TSPAN33: variants seen among roughly 807,000 people sequenced by gnomAD.
TSPAN33 encodes the protein tetraspanin-33.
A neutral mutation model predicts 34.8 loss-of-function variants in TSPAN33; 27 were observed. That is an observed-to-expected ratio of 0.78 (90% CI 0.57 to 1.07). The LOEUF (loss-of-function observed/expected upper bound fraction) is 1.07. Among genes scored for constraint, TSPAN33 ranks in the 50% least tolerant of loss-of-function variants. The pLI is 0.00. For synonymous variants in TSPAN33, 119 were observed against 124.2 expected (o/e 0.96, Z 0.28); for missense variants, 272 against 324.9 (o/e 0.84, Z 1.25).
intron 1 of TSPAN33, among the ~76,000 whole-genome samples, chr7:129,149,871 A>G (rs1370226244): frequency 2.0e-5 from 3 of 152,236 alleles, no homozygotes; most frequent in African/African-American, 4.8e-5. Context: ...CACCCATAAC[A>G]GCAGCGCCAT....
chr7:129,161,640 C>G (rs1793055450), intron 1 of TSPAN33, 39 bp from the exon 2 acceptor site: 2 of 1,609,740 alleles, frequency 1.2e-6, no homozygotes, highest in South Asian at 2.2e-5. Context: ...TCTCTGGTTT[C>G]CAGAATCTCA....
At chr7:129,146,845 G>C (rs754098383) in intron 1 of TSPAN33, among the ~76,000 whole-genome samples, 1 of 152,116 alleles carries the variant, frequency 6.6e-6, no homozygotes, top group Non-Finnish European at 1.5e-5. Context: ...TTTATCTGCC[G>C]AGACTGTCTC....
intron 2 of TSPAN33, among the ~76,000 whole-genome samples, chr7:129,162,153 CCTT>C (rs1793063926): frequency 6.6e-6 from 1 of 152,248 alleles, no homozygotes; most frequent in African/African-American, 2.4e-5. Flanking sequence ...AGCAGCCCCT[CCTT>C]AAGCCCAGGA....
Position 129,154,479 on chromosome 7 carries a change from C to T in TSPAN33, c.103-7200C>T, listed in dbSNP as rs537847249. Among the ~76,000 whole-genome samples the T allele has an allele frequency of 1.1e-3, 167 of 151,690 alleles. 1 individual carries two copies. The highest frequency in any genetic ancestry group is 3.7e-3 in the African/African-American group (154 of 41,320). ...TGTATAGGCCAGGTGTGATGGCTCA[C>T]GCCTGTAATCCCAGCACTTTGGGAG... On this transcript the variant is annotated intron_variant, in intron 1 of 7. Transcript: ENST00000486685.
At chr7:129,163,868 G>A (rs1045004993) in intron 4 of TSPAN33, among the ~76,000 whole-genome samples, 1 of 152,084 alleles carries the variant, frequency 6.6e-6, no homozygotes, top group Non-Finnish European at 1.5e-5. Context: ...TTGAACCCAG[G>A]AGAAGGAGGT....
Position 129,167,283 on chromosome 7 carries a change from C to T in TSPAN33, c.589-116C>T. 3 of 1,282,474 alleles carry T rather than the reference C, an allele frequency of 2.3e-6. No individual in the cohort carries two copies. Among genetic ancestry groups the T allele is most frequent in the Non-Finnish European group, 3.3e-6 (3 of 919,020 alleles). The allele number at this position is 1,282,474 out of a possible 1,614,324, so 79.4% of individuals were successfully genotyped here. On this transcript the variant is annotated intron_variant, in intron 6 of 7. Coordinates refer to ENST00000486685, the MANE Select transcript of TSPAN33 (RefSeq NM_178562.5). This position sits in a 1 kb window ranked among gnomAD's most constrained non-coding sequence, Gnocchi z 4.6. ...GCAACTTCCAACCCAATATCCTCCA[C>T]ATATATTCTCTGACAATTTAGGAGT...
At chr7:129,154,842 A>G (rs944750036) in intron 1 of TSPAN33, among the ~76,000 whole-genome samples, 2 of 152,262 alleles carry the variant, frequency 1.3e-5, no homozygotes, top group Non-Finnish European at 2.9e-5. Context: ...AAGATAGTAC[A>G]GAGATGGACG....
rs200885674 is a variant in TSPAN33 at position 129,167,447 on chromosome 7, T to C, written c.637T>C (p.Leu213=). 5.0e-6 allele frequency: 8 copies of C among 1,613,650 alleles called. No individual in the cohort carries two copies. Among genetic ancestry groups the C allele is most frequent in the African/African-American group, 1.3e-5 (1 of 74,740 alleles). ...CGQGMQAFDY[L]EASKVIYTNG... Reference sequence around the variant, plus strand: ...CCAAGGTATGCAGGCCTTTGACTACTTGGAAGCTAGCAAAGTCATCTACAC... The same window carrying C: ...CCAAGGTATGCAGGCCTTTGACTACCTGGAAGCTAGCAAAGTCATCTACAC... The change falls in exon 7 of 8, where the codon TTG becomes CTG. Residue 213 remains leucine (L), a synonymous_variant. Coordinates refer to ENST00000486685, the MANE Select transcript of TSPAN33 (RefSeq NM_178562.5). This position sits in a 1 kb window ranked among gnomAD's most constrained non-coding sequence, Gnocchi z 4.6.
At position 129,166,876 on chromosome 7, in the gene TSPAN33, TTACTCCTGTTGCTTGCC is replaced by T. The variant is rs780484892; in HGVS notation, c.567_583del (p.Cys189Ter). The T allele has an allele frequency of 1.4e-5, 23 of 1,613,930 alleles. No homozygotes were observed. The highest frequency in any genetic ancestry group is 1.9e-5 in the Non-Finnish European group (22 of 1,179,992). ...CCAGTCGAGAGCGCTGCTCTGTGCC[TTACTCCTGTTGCTTGCC>T]TACTCCTGACCAGGTGAGCCAGCAT... On this transcript the variant is annotated frameshift_variant, in exon 6 of 8. Coordinates refer to ENST00000486685, the MANE Select transcript of TSPAN33 (RefSeq NM_178562.5). LOFTEE classifies it high-confidence loss of function.
At chr7:129,151,449 A>G (rs1309583322) in intron 1 of TSPAN33, among the ~76,000 whole-genome samples, 1 of 152,098 alleles carries the variant, frequency 6.6e-6, no homozygotes, top group African/African-American at 2.4e-5. Context: ...AATCCAGTAG[A>G]GATGGACTCT....
intron 1 of TSPAN33, among the ~76,000 whole-genome samples, chr7:129,152,004 CAAAT>C (rs552209800): frequency 6.6e-6 from 1 of 152,148 alleles, no homozygotes; most frequent in Non-Finnish European, 1.5e-5. Context: ...AGGAAACAAA[CAAAT>C]AAATCCAAAT....
chr7:129,162,777 G>A, intron 3 of TSPAN33, 56 bp from the exon 4 acceptor site: 1 of 1,582,382 alleles, frequency 6.3e-7, no homozygotes, highest in Non-Finnish European at 8.6e-7. Context: ...CTTGGCCCTG[G>A]AAGGGGTTGC....
At position 129,145,056 on chromosome 7, in the gene TSPAN33, C is replaced by T; in HGVS notation, c.76C>T (p.Leu26Phe). 1 of 732,406 alleles carries T rather than the reference C, an allele frequency of 1.4e-6. No homozygotes were observed. The highest frequency in any genetic ancestry group is 2.5e-6 in the Non-Finnish European group (1 of 395,904). The allele number at this position is 732,406 out of a possible 1,614,324, so 45.4% of individuals were successfully genotyped here. Reference protein sequence around the residue: ...SFVSPLVKYLLFFFNMLFWVI... With the variant: ...SFVSPLVKYLFFFFNMLFWVI... ...CGTCAGCCCGCTGGTGAAATACCTG[C>T]TCTTCTTCTTCAACATGCTCTTCTG... Residue 26 changes from leucine to phenylalanine, a missense_variant, in exon 1 of 8, where the codon CTC (leucine) becomes TTC (phenylalanine). By Grantham distance (22) the Leu-to-Phe change is conservative. Transcript: ENST00000486685.
chr7:129,165,968 G>C lies in TSPAN33; in HGVS notation c.460-810G>C, dbSNP rs1324293832. Among the ~76,000 whole-genome samples the C allele has an allele frequency of 6.6e-6, 1 of 151,280 alleles. No individual in the cohort carries two copies. Among genetic ancestry groups the C allele is most frequent in the Non-Finnish European group, 1.5e-5 (1 of 67,854 alleles). ...TTTTTTTTCCCTGAGACGGAGTCTT[G>C]CTCTGTTACCCAGGCTGGAGTACAA... On this transcript the variant is annotated intron_variant, in intron 5 of 7. Transcript: ENST00000486685. The surrounding 1 kb of genome is among the most constrained non-coding windows in gnomAD (Gnocchi z 4.5).
intron 4 of TSPAN33, among the ~76,000 whole-genome samples, chr7:129,163,152 C>A (rs1006620485): frequency 6.6e-6 from 1 of 152,142 alleles, no homozygotes; most frequent in Non-Finnish European, 1.5e-5. Context: ...TATACAAACA[C>A]AAAGTTAAAA....
Position 129,167,639 on chromosome 7 carries a change from A to G in TSPAN33, c.750+79A>G, listed in dbSNP as rs551215011. The stretch of plus-strand genomic sequence containing the variant: ...GTTTTGGGGAAGGCACCTGGGGATC[A>G]GCGAGGGTGTCAGGCACTGACATGG... On this transcript the variant is annotated intron_variant, in intron 7 of 7. Coordinates refer to ENST00000486685, the MANE Select transcript of TSPAN33 (RefSeq NM_178562.5). The surrounding 1 kb of genome is among the most constrained non-coding windows in gnomAD (Gnocchi z 4.6). The G allele has an allele frequency of 3.9e-5, 62 of 1,575,920 alleles. No individual in the cohort carries two copies. The African/African-American group carries it at 6.0e-4, about 15-fold the overall frequency.
intron 1 of TSPAN33, among the ~76,000 whole-genome samples, chr7:129,154,851 C>T (rs1183259130): frequency 2.6e-5 from 4 of 152,270 alleles, no homozygotes; most frequent in South Asian, 4.1e-4. Flanking sequence ...CAGAGATGGA[C>T]GTTTCTCAAA....
intron 1 of TSPAN33, among the ~76,000 whole-genome samples, chr7:129,149,343 A>T (rs1810562388): frequency 6.6e-6 from 1 of 152,172 alleles, no homozygotes; most frequent in South Asian, 2.1e-4. Flanking sequence ...GGATCACCTG[A>T]GGTAAGGAGT....
intron 5 of TSPAN33, chr7:129,164,773 G>T: frequency 2.0e-6 from 1 of 500,926 alleles, no homozygotes; most frequent in Non-Finnish European, 3.6e-6. Context: ...AATCTACTGT[G>T]TTATAAATGG....
Sources: allele counts gnomAD v4.1 joint callset (sites outside exome capture counted in the v4.1 genomes callset), GRCh38; gene constraint gnomAD v4.1.1; non-coding constraint Gnocchi (gnomAD v3.1); transcripts MANE v1.5; gene names NCBI Gene and HGNC (gene_info 2026-07-23, HGNC 2026-07-21).